The following PHACTR3 variants were observed in gnomAD, a reference collection of about 807,000 sequenced individuals.
PHACTR3 encodes the protein phosphatase and actin regulator 3.
PHACTR3 carries 16 observed loss-of-function variants against 66.8 expected under a neutral mutation model. The ratio of observed to expected loss-of-function variants is 0.24; its 90% CI spans 0.16 to 0.36. The LOEUF (loss-of-function observed/expected upper bound fraction) is 0.36. Among genes scored for constraint, PHACTR3 ranks in the 10% least tolerant of loss-of-function variants. The pLI is 1.00. For missense variants in PHACTR3, 647 were observed against 719.9 expected (o/e 0.90, Z 1.16); for synonymous variants, 323 against 292.1 (o/e 1.11, Z -1.08).
intron 1 of PHACTR3, among the ~76,000 whole-genome samples, chr20:59,580,901 A>C (rs956464747): frequency 1.3e-5 from 2 of 152,228 alleles, no homozygotes; most frequent in Non-Finnish European, 2.9e-5. Flanking sequence ...TAATTCAGGA[A>C]ACTGGGCGTC....
At chr20:59,819,406 C>T (rs1261721395) in intron 8 of PHACTR3, among the ~76,000 whole-genome samples, 1 of 152,104 alleles carries the variant, frequency 6.6e-6, no homozygotes, top group Non-Finnish European at 1.5e-5. Flanking sequence ...GTGGTGCACA[C>T]CTGTGATCTC....
intron 2 of PHACTR3, 71 bp from the exon 3 acceptor site, chr20:59,747,687 T>C: frequency 1.3e-6 from 2 of 1,541,610 alleles, no homozygotes; most frequent in Middle Eastern, 1.7e-4. Flanking sequence ...AGCCTGGCAT[T>C]GGCTGTGGCT....
At chr20:59,784,287 C>T (rs993355764) in intron 7 of PHACTR3, among the ~76,000 whole-genome samples, 6 of 150,538 alleles carry the variant, frequency 4.0e-5, no homozygotes, top group South Asian at 2.1e-4. Context: ...AAAACACACA[C>T]ATATGCACAT....
At chr20:59,710,734 C>T (rs2037883766) in intron 1 of PHACTR3, among the ~76,000 whole-genome samples, 1 of 150,096 alleles carries the variant, frequency 6.7e-6, no homozygotes, top group African/African-American at 2.5e-5. Context: ...AGGCCTCCTC[C>T]TCCTTTTTCT....
At chr20:59,655,341 G>T (rs944773262) in intron 1 of PHACTR3, among the ~76,000 whole-genome samples, 3 of 151,882 alleles carry the variant, frequency 2.0e-5, no homozygotes, top group Non-Finnish European at 4.4e-5. Context: ...AACTTTAATT[G>T]TTTTAAATAT....
At chr20:59,678,622 A>G (rs2036534555) in intron 1 of PHACTR3, among the ~76,000 whole-genome samples, 1 of 152,104 alleles carries the variant, frequency 6.6e-6, no homozygotes. Context: ...AATCTCATCT[A>G]CTTGCAGAGC....
chr20:59,646,294 A>C (rs997689852), intron 1 of PHACTR3, among the ~76,000 whole-genome samples: 6 of 152,218 alleles, frequency 3.9e-5, no homozygotes, highest in Non-Finnish European at 8.8e-5. Context: ...GCTATTCAGC[A>C]AGGGCTGTTT....
At chr20:59,766,896 G>A (rs1406780408) in intron 4 of PHACTR3, among the ~76,000 whole-genome samples, 1 of 152,198 alleles carries the variant, frequency 6.6e-6, no homozygotes, top group African/African-American at 2.4e-5. Flanking sequence ...ACCTGGCATG[G>A]TGAACACTGC....
intron 1 of PHACTR3, among the ~76,000 whole-genome samples, chr20:59,660,127 A>T (rs1012990274): frequency 6.6e-6 from 1 of 152,160 alleles, no homozygotes; most frequent in Admixed American, 6.5e-5. Flanking sequence ...GAGGCCCCAC[A>T]TATCTCTGGG....
intron 1 of PHACTR3, among the ~76,000 whole-genome samples, chr20:59,590,961 C>T (rs538594343): frequency 5.0e-4 from 76 of 152,276 alleles, no homozygotes; most frequent in African/African-American, 1.8e-3. Flanking sequence ...ACCCATGTCC[C>T]ATATGTGGCT....
intron 4 of PHACTR3, among the ~76,000 whole-genome samples, chr20:59,765,383 G>T (rs1385605910): frequency 6.6e-6 from 1 of 152,160 alleles, no homozygotes; most frequent in Admixed American, 6.5e-5. Context: ...CAGTTGTAAT[G>T]GTTGTTCTCA....
intron 1 of PHACTR3, among the ~76,000 whole-genome samples, chr20:59,589,588 C>T (rs186920356): frequency 1.2e-3 from 185 of 152,280 alleles, no homozygotes; most frequent in Middle Eastern, 6.8e-3. Flanking sequence ...ACAGTTGCTG[C>T]GACGGGGTGC....
At chr20:59,636,246 T>TG (rs2034898213) in intron 1 of PHACTR3, among the ~76,000 whole-genome samples, 1 of 152,186 alleles carries the variant, frequency 6.6e-6, no homozygotes, top group South Asian at 2.1e-4. Flanking sequence ...AGTTCCTGAG[T>TG]CTTTGGACAG....
chr20:59,843,372 A>AAAGAACCTGAATAGC, intron 11 of PHACTR3: 1 of 152,276 alleles, frequency 6.6e-6, no homozygotes, highest in African/African-American at 2.4e-5. Flanking sequence ...TGAAACCCAA[A>AAAGAACCTGAATAGC]AAGAACCTGA....
chr20:59,638,995 C>T (rs2146417473), intron 1 of PHACTR3, among the ~76,000 whole-genome samples: 1 of 131,982 alleles, frequency 7.6e-6, no homozygotes, highest in South Asian at 2.5e-4. Context: ...GGTAGACATA[C>T]CAGTGGATAG....
intron 1 of PHACTR3, among the ~76,000 whole-genome samples, chr20:59,612,211 C>T (rs867422512): frequency 3.3e-5 from 5 of 152,292 alleles, no homozygotes; most frequent in Admixed American, 2.0e-4. Context: ...ATTCCATGCA[C>T]TAGAAAACTC....
rs1491472148 is a variant in PHACTR3 at position 59,830,494 on chromosome 20, AAG to A, written c.1329-6008_1329-6007del. Among the ~76,000 whole-genome samples, 6 of 152,110 alleles carry A rather than the reference AAG, an allele frequency of 3.9e-5. 1 individual carries two copies. In the South Asian group the frequency reaches 8.3e-4, roughly 21 times the overall value. On this transcript the variant is annotated intron_variant, in intron 8 of 12. Coordinates refer to ENST00000371015, the MANE Select transcript of PHACTR3 (RefSeq NM_080672.5). This position sits in a 1 kb window ranked among gnomAD's most constrained non-coding sequence, Gnocchi z 5.8. ...GGAGGTGTGAATGAGCAGATGTTGA[AAG>A]AGGGTGTGAGCATCCGTCTGATGGA... is the stretch of plus-strand genomic sequence containing the variant.
rs1352291098 is a variant in PHACTR3 at position 59,847,097 on chromosome 20, C to A, written c.1665-18C>A. ...AAATGAATAACCTTAAATTCTTTGT[C>A]TTTTTTATAATCTCTAGATTCCACA... On this transcript the variant is annotated intron_variant, in intron 12 of 12. Coordinates refer to ENST00000371015, the MANE Select transcript of PHACTR3 (RefSeq NM_080672.5). 3.3e-6 allele frequency: 5 copies of A among 1,498,056 alleles called. No individual in the cohort carries two copies. The African/African-American group carries it at 5.5e-5, about 17-fold the overall frequency. 92.8% of individuals were successfully genotyped at this position (1,498,056 alleles called of 1,614,324 possible).
chr20:59,577,582 G>A lies in PHACTR3; in HGVS notation c.74G>A (p.Arg25Gln), dbSNP rs140857038. 1,097 of 1,208,176 alleles carry A rather than the reference G, an allele frequency of 9.1e-4. 10 individuals are homozygous for A. The African/African-American group carries it at 0.016, about 17-fold the overall frequency. 74.8% of individuals were successfully genotyped at this position (1,208,176 alleles called of 1,614,324 possible). A position where few individuals can be genotyped will look rare whatever the true frequency, so the allele number is the denominator to read the frequency against. Residue 25 changes from arginine to glutamine, a missense_variant, in exon 1 of 13, where the codon CGG becomes CAG. Coordinates refer to the PHACTR3 transcript ENST00000359926. The stretch of plus-strand genomic sequence containing the variant: ...TCGCTGCTGGGCGCCTTCGGGGCCC[G>A]GGACGCTGCCGCCGCCGCCCGAGAT...
Sources: allele counts gnomAD v4.1 joint callset (sites outside exome capture counted in the v4.1 genomes callset), GRCh38; gene constraint gnomAD v4.1.1; non-coding constraint Gnocchi (gnomAD v3.1); transcripts MANE v1.5; gene names NCBI Gene and HGNC (gene_info 2026-07-23, HGNC 2026-07-21).